Variants in TRMT6 observed in about 807,000 individuals in gnomAD.
The protein encoded by TRMT6 is tRNA (adenine(58)-N(1))-methyltransferase non-catalytic subunit TRM6.
TRMT6 carries 34 observed loss-of-function variants against 59.0 expected under a neutral mutation model. The observed-to-expected ratio is 0.58, with a 90% CI of 0.44 to 0.77. TRMT6 has a LOEUF of 0.77. Ranked by LOEUF, TRMT6 falls within the 30% of genes least tolerant of loss-of-function variation. The pLI is 0.00. For synonymous variants in TRMT6, 217 were observed against 210.5 expected (o/e 1.03, Z -0.27); for missense variants, 575 against 604.5 (o/e 0.95, Z 0.51).
intron 10 of TRMT6, 103 bp from the exon 11 acceptor site, chr20:5,938,829 G>T: frequency 9.6e-7 from 1 of 1,036,276 alleles, no homozygotes; most frequent in Non-Finnish European, 1.4e-6. Context: ...AGGTTCTCTT[G>T]ATGATTTAAA....
At chr20:5,949,930 G>GT (rs397816394) in intron 1 of TRMT6, among the ~76,000 whole-genome samples, 2 of 151,608 alleles carry the variant, frequency 1.3e-5, no homozygotes, top group Non-Finnish European at 2.9e-5. Flanking sequence ...GGTGATTAGG[G>GT]TGTGGAGAGG....
chr20:5,943,278 T>C (rs1211158132), intron 6 of TRMT6, among the ~76,000 whole-genome samples: 1 of 152,188 alleles, frequency 6.6e-6, no homozygotes, highest in African/African-American at 2.4e-5. Context: ...CTAAAATCAC[T>C]GTCCCGAAAG....
rs1339041483 is a variant in TRMT6, at chr20:5,938,607, T to A, written c.1422A>T (p.Ala474=). 2 of 1,614,254 alleles carry A rather than the reference T, an allele frequency of 1.2e-6. No homozygotes were observed. The highest frequency in any genetic ancestry group is 3.3e-5 in the Admixed American group (2 of 60,034). ...LKADTSLKSN[A]STLESHETEE... The stretch of plus-strand genomic sequence containing the variant: ...CAGTCTCGTGTGATTCTAAAGTGCT[T>A]GCATTAGATTTGAGGCTGGTGTCTG... The change falls in exon 11 of 11, where the codon GCA becomes GCT. Residue 474 remains alanine (A), a synonymous_variant. Transcript: ENST00000203001.
rs451571 is a variant in TRMT6 at position 5,942,558 on chromosome 20, T to C, written c.896A>G (p.Glu299Gly). 0.14 allele frequency: 233,833 copies of C among 1,613,788 alleles called. 24,102 individuals carry two copies. The highest frequency in any genetic ancestry group is 0.51 in the African/African-American group (37,794 of 74,788). Residue 299 changes from glutamate to glycine, a missense_variant, in exon 7 of 11, where the codon GAA becomes GGA. Physicochemically the swap from Glu to Gly is moderately conservative, Grantham distance 98 (BLOSUM62 -2). Coordinates refer to ENST00000203001, the MANE Select transcript of TRMT6 (RefSeq NM_015939.5). ...TGCCATGCTGTCTTCATTCTCTTGT[T>C]CAGAAGCCTGTTTTTCCTCCAGTGT... is the stretch of plus-strand genomic sequence containing the variant. The part of the protein sequence containing the change: ...NGTLEEKQAS[E>G]QENEDSMAEA...
chr20:5,944,394 T>C (rs925121123), intron 3 of TRMT6, 141 bp from the exon 4 acceptor site: 3 of 529,370 alleles, frequency 5.7e-6, no homozygotes, highest in Non-Finnish European at 6.7e-6. Context: ...AGATGAACTT[T>C]ATATTTCTAT....
At chr20:5,947,425 A>G (rs1295059711) in intron 1 of TRMT6, among the ~76,000 whole-genome samples, 1 of 152,204 alleles carries the variant, frequency 6.6e-6, no homozygotes, top group Non-Finnish European at 1.5e-5. Flanking sequence ...TTACGACAGA[A>G]TATACTGCCA....
chr20:5,938,825 T>C (rs963533448), intron 10 of TRMT6, 99 bp from the exon 11 acceptor site: 1 of 1,059,192 alleles, frequency 9.4e-7, no homozygotes, highest in Admixed American at 2.8e-5. Flanking sequence ...ACACAGGTTC[T>C]CTTGATGATT....
intron 1 of TRMT6, among the ~76,000 whole-genome samples, chr20:5,947,214 G>A (rs1474164968): frequency 1.3e-5 from 2 of 152,184 alleles, no homozygotes; most frequent in Non-Finnish European, 2.9e-5. Flanking sequence ...TCAAATCTGT[G>A]TCTGACCCCA....
At chr20:5,944,462 G>A (rs1332361063) in intron 3 of TRMT6, among the ~76,000 whole-genome samples, 1 of 151,980 alleles carries the variant, frequency 6.6e-6, no homozygotes, top group Non-Finnish European at 1.5e-5. Flanking sequence ...TTAAACCAAC[G>A]TAAAAGAACA....
chr20:5,945,007 CA>C (rs1404969940), intron 2 of TRMT6, 93 bp from the exon 3 acceptor site: 14 of 1,004,402 alleles, frequency 1.4e-5, no homozygotes, highest in Admixed American at 8.0e-5. Context: ...GTCCATCAGC[CA>C]CTCAAGTCTG....
At position 5,941,391 on chromosome 20, in the gene TRMT6, T is replaced by A. The variant is rs1364227464; in HGVS notation, c.1113-46A>T. Reference sequence around the variant, plus strand: ...AAATTATTTCTCTACACCCTCAAAGTGGAGCACAGGTTTTAAAATGCATTT... The same window carrying A: ...AAATTATTTCTCTACACCCTCAAAGAGGAGCACAGGTTTTAAAATGCATTT... On this transcript the variant is annotated intron_variant, in intron 8 of 10. Coordinates refer to ENST00000203001, the MANE Select transcript of TRMT6 (RefSeq NM_015939.5). 2.2e-6 allele frequency: 3 copies of A among 1,392,766 alleles called. No individual in the cohort carries two copies. In the African/African-American group the frequency reaches 4.3e-5, roughly 20 times the overall value. 86.3% of individuals were successfully genotyped at this position (1,392,766 alleles called of 1,614,324 possible).
At position 5,944,701 on chromosome 20, in the gene TRMT6, C is replaced by T. The variant is rs370889786; in HGVS notation, c.366+104G>A. The T allele has an allele frequency of 7.1e-5, 52 of 729,142 alleles. No homozygotes were observed. In the East Asian group the frequency reaches 7.3e-4, roughly 10 times the overall value. The allele number at this position is 729,142 out of a possible 1,614,324, so 45.2% of individuals were successfully genotyped here. ...CAACCTATTTCTATCAAAGCTATAACGTTATTTTTTTGTTTTACCTTAGGT... is the reference window on the plus strand; with the variant it reads ...CAACCTATTTCTATCAAAGCTATAATGTTATTTTTTTGTTTTACCTTAGGT... On this transcript the variant is annotated intron_variant, in intron 3 of 10. Coordinates refer to ENST00000203001, the MANE Select transcript of TRMT6 (RefSeq NM_015939.5).
intron 6 of TRMT6, 84 bp from the exon 7 acceptor site, chr20:5,942,870 G>C: frequency 9.8e-7 from 1 of 1,015,750 alleles, no homozygotes; most frequent in Non-Finnish European, 1.5e-6. Context: ...ACAGTAATGA[G>C]ACTGAAGGTC....
intron 10 of TRMT6, among the ~76,000 whole-genome samples, chr20:5,938,946 CTTTCTT>C (rs2088633038): frequency 7.1e-6 from 1 of 140,590 alleles, no homozygotes. Flanking sequence ...CTCTCTCTCT[CTTTCTT>C]TTTAAGAGGC....
Position 5,937,365 on chromosome 20 carries a change from C to T in TRMT6, c.*1170G>A, listed in dbSNP as rs2088617025. On this transcript the variant is annotated 3_prime_UTR_variant, in exon 11 of 11. Coordinates refer to ENST00000203001, the MANE Select transcript of TRMT6 (RefSeq NM_015939.5). ...GATGTTCCTTGCTGTATGATACAGG[C>T]CTATTCTATGACAGGAGCAACGCAA... 1 of 152,160 alleles carries T rather than the reference C, an allele frequency of 6.6e-6. No homozygotes were observed. Among genetic ancestry groups the T allele is most frequent in the Non-Finnish European group, 1.5e-5 (1 of 68,042 alleles). The allele number at this position is 152,160 out of a possible 1,614,324, so 9.4% of individuals were successfully genotyped here.
chr20:5,938,415 C>G lies in TRMT6; in HGVS notation c.*120G>C. The G allele has an allele frequency of 3.8e-6, 4 of 1,060,438 alleles. No homozygotes were observed. The East Asian group carries it at 9.5e-5, about 25-fold the overall frequency. 65.7% of individuals were successfully genotyped at this position (1,060,438 alleles called of 1,614,324 possible). On this transcript the variant is annotated 3_prime_UTR_variant, in exon 11 of 11. Transcript: ENST00000203001. ...GGCATATACTCCTCCTTCCTAGAAA[C>G]GGGTACATAGACATGTTCTTATTCT...
chr20:5,950,510 A>T lies in TRMT6; in HGVS notation c.-105T>A. On this transcript the variant is annotated 5_prime_UTR_variant, in exon 1 of 11. Transcript: ENST00000203001. ...AACCTGGCGCACTAGGAGCCCTCCG[A>T]CCGGCACCGCCCCCACGTGTTGCAC... 7.7e-7 allele frequency: 1 copy of T among 1,303,332 alleles called. No individual in the cohort carries two copies. Among genetic ancestry groups the T allele is most frequent in the Non-Finnish European group, 1.0e-6 (1 of 984,074 alleles). 80.7% of individuals were successfully genotyped at this position (1,303,332 alleles called of 1,614,324 possible). A position where few individuals can be genotyped will look rare whatever the true frequency, so the allele number is the denominator to read the frequency against.
chr20:5,943,828 A>G, intron 5 of TRMT6, 120 bp downstream of exon 5: 2 of 1,516,454 alleles, frequency 1.3e-6, no homozygotes, highest in Non-Finnish European at 1.8e-6. Flanking sequence ...AGGACTTACA[A>G]TTTATGAGGT....
Position 5,948,308 on chromosome 20 carries a change from C to G in TRMT6, c.129-1775G>C, listed in dbSNP as rs570887022. ...GAGGGATAAGGAGGCCACATCTTTA[C>G]TGGGAAGGAGTAGGATTTGCAGAGT... On this transcript the variant is annotated intron_variant, in intron 1 of 10. Transcript: ENST00000203001. 5.3e-5 allele frequency among the ~76,000 whole-genome samples: 8 copies of G among 152,268 alleles called. No homozygotes were observed. The East Asian group carries it at 1.5e-3, about 29-fold the overall frequency.
Sources: gnomAD v4.1 joint callset for allele counts (sites outside exome capture counted in the v4.1 genomes callset) on GRCh38, gnomAD v4.1.1 for gene constraint, MANE v1.5 for transcripts, NCBI Gene and HGNC (gene_info 2026-07-23, HGNC 2026-07-21) for gene names.